Variants in ABCB1 observed in about 807,000 individuals in gnomAD.
The protein encoded by ABCB1 is ATP-dependent translocase ABCB1.
Under a neutral mutation model 142.0 loss-of-function variants are expected in ABCB1, and 69 were observed. The ratio of observed to expected loss-of-function variants is 0.49; its 90% CI spans 0.40 to 0.59. ABCB1 has a LOEUF of 0.59. Among genes scored for constraint, ABCB1 ranks in the 20% least tolerant of loss-of-function variants. The pLI is 0.00. For synonymous variants in ABCB1, 532 were observed against 539.2 expected (o/e 0.99, Z 0.18); for missense variants, 1,326 against 1,554.7 (o/e 0.85, Z 2.47).
At chr7:87,670,172 T>TA (rs1825683710) in intron 1 of ABCB1, among the ~76,000 whole-genome samples, 1 of 152,244 alleles carries the variant, frequency 6.6e-6, no homozygotes, top group African/African-American at 2.4e-5. Context: ...TATTCCTTTT[T>TA]ATTCCTCTTT....
At chr7:87,646,535 T>C (rs1823020690) in intron 1 of ABCB1, among the ~76,000 whole-genome samples, 1 of 152,178 alleles carries the variant, frequency 6.6e-6, no homozygotes, top group Non-Finnish European at 1.5e-5. Flanking sequence ...ATTCCTTCCT[T>C]GAGCAGTGTG....
At chr7:87,516,018 C>T (rs1451746132) in intron 24 of ABCB1, among the ~76,000 whole-genome samples, 2 of 152,268 alleles carry the variant, frequency 1.3e-5, no homozygotes, top group Non-Finnish European at 2.9e-5. Flanking sequence ...CTCAGGAATA[C>T]AGTAACTTAC....
chr7:87,702,321 C>T (rs1002664850), intron 1 of ABCB1, among the ~76,000 whole-genome samples: 5 of 150,488 alleles, frequency 3.3e-5, no homozygotes, highest in Non-Finnish European at 5.9e-5. Flanking sequence ...CTCTGTTGCC[C>T]AGGTTGGAGT....
chr7:87,557,362 T>C (rs1455612459), intron 8 of ABCB1, among the ~76,000 whole-genome samples: 3 of 152,300 alleles, frequency 2.0e-5, no homozygotes, highest in South Asian at 4.1e-4. Context: ...TGGCATGTTG[T>C]AGGTGCTGAA....
At chr7:87,548,752 A>G (rs1171601627) in intron 14 of ABCB1, among the ~76,000 whole-genome samples, 1 of 152,168 alleles carries the variant, frequency 6.6e-6, no homozygotes, top group African/African-American at 2.4e-5. Flanking sequence ...CAAACACTCA[A>G]ATGCTATTTG....
At chr7:87,624,323 C>T (rs1202377311) in intron 1 of ABCB1, among the ~76,000 whole-genome samples, 1 of 152,068 alleles carries the variant, frequency 6.6e-6, no homozygotes, top group Admixed American at 6.5e-5. Flanking sequence ...TGTACAGATG[C>T]TGGGTTTATG....
chr7:87,505,267 G>A (rs146102875), intron 27 of ABCB1, among the ~76,000 whole-genome samples: 51 of 152,194 alleles, frequency 3.4e-4, no homozygotes, highest in African/African-American at 9.4e-4. Flanking sequence ...AGTAGGTGCC[G>A]GCCAGCAGTC....
chr7:87,530,262 C>T (rs1815977191), intron 21 of ABCB1, among the ~76,000 whole-genome samples: 1 of 152,156 alleles, frequency 6.6e-6, no homozygotes, highest in Non-Finnish European at 1.5e-5. Flanking sequence ...GGCAGTCAGC[C>T]CTGCTCTGAC....
Position 87,553,796 on chromosome 7 carries a change from G to GCTCA in ABCB1, c.963_964insTGAG (p.Leu322Ter). Reference sequence around the variant, plus strand: ...TGTCCAATAGAATATTCCCCTGAGAGGACCAAGGTGGTCCCATACCAGAAG... The same window carrying GCTCA: ...TGTCCAATAGAATATTCCCCTGAGAGCTCAGACCAAGGTGGTCCCATACCAGAAG... On this transcript the variant is annotated stop_gained and frameshift_variant, in exon 9 of 28. Coordinates refer to ENST00000622132, the MANE Select transcript of ABCB1 (RefSeq NM_001348946.2). LOFTEE classifies it high-confidence loss of function. 6.2e-7 allele frequency: 1 copy of GCTCA among 1,614,100 alleles called. No homozygotes were observed. Among genetic ancestry groups the GCTCA allele is most frequent in the Non-Finnish European group, 8.5e-7 (1 of 1,179,986 alleles).
intron 1 of ABCB1, among the ~76,000 whole-genome samples, chr7:87,704,025 A>G: frequency 6.9e-6 from 1 of 144,754 alleles, no homozygotes; most frequent in Non-Finnish European, 1.5e-5. Context: ...GGCTCAAGCA[A>G]TTCTCCTGCC....
At chr7:87,672,607 A>G (rs572703774) in intron 1 of ABCB1, among the ~76,000 whole-genome samples, 51 of 152,242 alleles carry the variant, frequency 3.3e-4, no homozygotes, top group African/African-American at 1.1e-3. Flanking sequence ...AAAGCCCAGT[A>G]TCTAAGCCTC....
intron 1 of ABCB1, among the ~76,000 whole-genome samples, chr7:87,635,287 C>T (rs564433177): frequency 1.3e-5 from 2 of 152,162 alleles, no homozygotes; most frequent in Non-Finnish European, 2.9e-5. Flanking sequence ...AAGATTCCAT[C>T]AGTCTGCACT....
chr7:87,582,090 C>T (rs1037290747), intron 4 of ABCB1, among the ~76,000 whole-genome samples: 12 of 151,950 alleles, frequency 7.9e-5, no homozygotes, highest in African/African-American at 2.7e-4. Context: ...GTGTAGTAAG[C>T]GTCCTAAAGT....
At chr7:87,641,186 G>A (rs1044749343) in intron 1 of ABCB1, among the ~76,000 whole-genome samples, 4 of 151,974 alleles carry the variant, frequency 2.6e-5, no homozygotes, top group African/African-American at 9.7e-5. Context: ...CAACCATTTT[G>A]TGTCAAAGTA....
intron 25 of ABCB1, 88 bp from the exon 26 acceptor site, chr7:87,509,569 G>A: frequency 1.4e-6 from 2 of 1,380,498 alleles, no homozygotes; most frequent in Non-Finnish European, 2.0e-6. Context: ...CACTGAAACT[G>A]CCAAGTTACT....
intron 1 of ABCB1, among the ~76,000 whole-genome samples, chr7:87,635,238 C>T (rs1315986542): frequency 6.6e-6 from 1 of 152,206 alleles, no homozygotes; most frequent in African/African-American, 2.4e-5. Flanking sequence ...GCTCCACACT[C>T]TTCTATCCCC....
chr7:87,515,318 C>T lies in ABCB1; in HGVS notation c.3195G>A (p.Thr1065=), dbSNP rs368096241. ...GLSLEVKKGQ[T]LALVGSSGCG... The stretch of plus-strand genomic sequence containing the variant: ...AGCCACTGCTGCCCACCAGAGCCAG[C>T]GTCTGGCCCTTCTTCACCTCCAGGC... The change falls in exon 25 of 28, where the codon ACG becomes ACA. Residue 1065 remains threonine, a synonymous_variant. Transcript: ENST00000622132. The T allele has an allele frequency of 6.8e-6, 11 of 1,614,194 alleles. No homozygotes were observed. In the Middle Eastern group the frequency reaches 5.0e-4, roughly 73 times the overall value.
chr7:87,584,377 C>T (rs971374541), intron 4 of ABCB1, among the ~76,000 whole-genome samples: 1 of 152,120 alleles, frequency 6.6e-6, no homozygotes, highest in Non-Finnish European at 1.5e-5. Context: ...AGTGGTATCA[C>T]TACATTTTCA....
intron 1 of ABCB1, among the ~76,000 whole-genome samples, chr7:87,615,290 A>G (rs1819998203): frequency 6.6e-6 from 1 of 152,194 alleles, no homozygotes; most frequent in Non-Finnish European, 1.5e-5. Context: ...ATTAATGGAT[A>G]AATAAGGTTG....
Sources: gnomAD v4.1 joint callset for allele counts (sites outside exome capture counted in the v4.1 genomes callset) on GRCh38, gnomAD v4.1.1 for gene constraint, MANE v1.5 for transcripts, NCBI Gene and HGNC (gene_info 2026-07-23, HGNC 2026-07-21) for gene names.